Variants in CCDC171 observed in about 807,000 individuals in gnomAD.
CCDC171 encodes the protein coiled-coil domain-containing protein 171.
In CCDC171, 177 loss-of-function variants were observed where a neutral mutation model predicts 168.2. That is an observed-to-expected ratio of 1.05 (90% CI 0.93 to 1.19). CCDC171 has a LOEUF of 1.19. Ranked by LOEUF, CCDC171 falls within the 50% of genes most tolerant of loss-of-function variation. The pLI is 0.00. For synonymous variants in CCDC171, 687 were observed against 540.8 expected (o/e 1.27, Z -3.75); for missense variants, 1,991 against 1,539.0 (o/e 1.29, Z -4.91).
At chr9:15,747,657 G>A (rs571657089) in intron 18 of CCDC171, among the ~76,000 whole-genome samples, 2 of 152,194 alleles carry the variant, frequency 1.3e-5, no homozygotes, top group Non-Finnish European at 2.9e-5. Flanking sequence ...TGCAGCTGAG[G>A]AGCCTGTTAG....
At chr9:15,837,188 A>G (rs1488885421) in intron 21 of CCDC171, among the ~76,000 whole-genome samples, 1 of 152,164 alleles carries the variant, frequency 6.6e-6, no homozygotes, top group African/African-American at 2.4e-5. Flanking sequence ...GTTCTACAAT[A>G]TGTACTCAGT....
At chr9:15,803,099 G>GGGTT (rs1385921552) in intron 21 of CCDC171, among the ~76,000 whole-genome samples, 3 of 151,950 alleles carry the variant, frequency 2.0e-5, no homozygotes. Flanking sequence ...CTTTTTAACA[G>GGGTT]GGTTGGTTGG....
intron 1 of CCDC171, among the ~76,000 whole-genome samples, chr9:15,562,458 G>A (rs1329433861): frequency 6.6e-6 from 1 of 152,126 alleles, no homozygotes; most frequent in South Asian, 2.1e-4. Context: ...CTGAGCTATG[G>A]AAGATGCTAT....
chr9:15,653,405 G>T (rs1226984274), intron 7 of CCDC171, among the ~76,000 whole-genome samples: 2 of 152,128 alleles, frequency 1.3e-5, no homozygotes, highest in Non-Finnish European at 2.9e-5. Flanking sequence ...GCCTTCTGAA[G>T]TGTGGGGATT....
intron 9 of CCDC171, among the ~76,000 whole-genome samples, chr9:15,677,883 T>TAC: frequency 1.1e-4 from 1 of 9,370 alleles, no homozygotes; most frequent in Non-Finnish European, 2.1e-4. Flanking sequence ...GTGTGTCATA[T>TAC]ATATATATAT....
chr9:15,582,002 G>A (rs897694070), intron 4 of CCDC171, among the ~76,000 whole-genome samples: 3 of 152,202 alleles, frequency 2.0e-5, no homozygotes, highest in Non-Finnish European at 4.4e-5. Context: ...GGAACCTACA[G>A]AATGGGAGAA....
At chr9:15,904,276 G>A (rs972383258) in intron 24 of CCDC171, among the ~76,000 whole-genome samples, 11 of 152,164 alleles carry the variant, frequency 7.2e-5, no homozygotes, top group African/African-American at 2.4e-4. Context: ...CAGCCAGAGA[G>A]AAAGGTCGGG....
At chr9:15,979,541 G>A (rs1831728292) in intron 3 of CCDC171, among the ~76,000 whole-genome samples, 1 of 152,054 alleles carries the variant, frequency 6.6e-6, no homozygotes, top group South Asian at 2.1e-4. Context: ...TATCTATTGA[G>A]ATGATCATGT....
intron 6 of CCDC171, among the ~76,000 whole-genome samples, chr9:16,030,529 T>C (rs1246093215): frequency 1.3e-5 from 2 of 152,168 alleles, no homozygotes; most frequent in Admixed American, 6.5e-5. Flanking sequence ...TTAAAGTGGG[T>C]TTAGATTGAG....
chr9:15,570,562 C>T (rs1018993101), intron 2 of CCDC171, among the ~76,000 whole-genome samples: 4 of 152,102 alleles, frequency 2.6e-5, no homozygotes, highest in African/African-American at 4.8e-5. Context: ...AAAAAGATGA[C>T]TGGAAGCTCA....
intron 24 of CCDC171, among the ~76,000 whole-genome samples, chr9:15,883,950 A>G (rs1229981463): frequency 6.6e-6 from 1 of 152,242 alleles, no homozygotes; most frequent in Non-Finnish European, 1.5e-5. Flanking sequence ...GCTAGAAAGT[A>G]GTAGGACTGG....
At chr9:15,967,547 C>T (rs938610828) in intron 25 of CCDC171, among the ~76,000 whole-genome samples, 4 of 152,110 alleles carry the variant, frequency 2.6e-5, no homozygotes. Flanking sequence ...TAATGTCCCT[C>T]AAAAAAGTTA....
rs181783728 is a variant in CCDC171 at position 15,684,046 on chromosome 9, G to C, written c.1215+5150G>C. 2.5e-3 allele frequency among the ~76,000 whole-genome samples: 377 copies of C among 152,064 alleles called. 12 individuals are homozygous for C. The highest frequency in any genetic ancestry group is 0.022 in the Admixed American group (335 of 15,264). ...ATATGATTAGGGAAAAGCTGCTGAT[G>C]GTGATGATAACAAAAGCTACTCAGA... On this transcript the variant is annotated intron_variant, in intron 10 of 25. Transcript: ENST00000380701.
chr9:15,910,171 T>TGC (rs1205254915), intron 24 of CCDC171, among the ~76,000 whole-genome samples: 29 of 53,774 alleles, frequency 5.4e-4, no homozygotes, highest in Admixed American at 1.3e-3. Flanking sequence ...GGTATATATG[T>TGC]GCACACACAC....
At chr9:15,642,331 A>ATG (rs2046684633) in intron 7 of CCDC171, among the ~76,000 whole-genome samples, 1 of 83,600 alleles carries the variant, frequency 1.2e-5, no homozygotes, top group Admixed American at 1.4e-4. Context: ...ATATATATAC[A>ATG]CGTGTGTGTG....
At chr9:16,088,061 G>C in the CCDC171 span, among the ~76,000 whole-genome samples, 2 of 152,112 alleles carry the variant, frequency 1.3e-5, no homozygotes, top group Non-Finnish European at 2.9e-5. Context: ...TGCAAGGCTG[G>C]TTCAACATAT....
At position 15,931,698 on chromosome 9, in the gene CCDC171, C is replaced by G. The variant is rs1157557707; in HGVS notation, c.3753+11276C>G. Among the ~76,000 whole-genome samples the G allele has an allele frequency of 2.0e-5, 3 of 151,378 alleles. No homozygotes were observed. The East Asian group carries it at 5.9e-4, about 30-fold the overall frequency. ...TCTTACTCAAAAAATTCTTCCCCAACCCAATATCATGAAGCATTTCTCCTA... is the reference window on the plus strand; with the variant it reads ...TCTTACTCAAAAAATTCTTCCCCAAGCCAATATCATGAAGCATTTCTCCTA... On this transcript the variant is annotated intron_variant, in intron 25 of 25. Coordinates refer to ENST00000380701, the MANE Select transcript of CCDC171 (RefSeq NM_173550.4).
At chr9:16,025,973 A>G (rs1352877590) in intron 6 of CCDC171, among the ~76,000 whole-genome samples, 1 of 152,234 alleles carries the variant, frequency 6.6e-6, no homozygotes, top group Non-Finnish European at 1.5e-5. Context: ...ATTTTTTAAA[A>G]AACAAGACAG....
chr9:15,784,395 A>G, intron 20 of CCDC171, 114 bp from the exon 21 acceptor site: 1 of 533,468 alleles, frequency 1.9e-6, no homozygotes. Context: ...GTATTTTTTT[A>G]ATGTATCAAG....
Sources: allele counts gnomAD v4.1 joint callset (sites outside exome capture counted in the v4.1 genomes callset), GRCh38; gene constraint gnomAD v4.1.1; transcripts MANE v1.5; gene names NCBI Gene and HGNC (gene_info 2026-07-23, HGNC 2026-07-21).